The following MYB variants were observed in gnomAD, a reference collection of about 807,000 sequenced individuals.
MYB encodes MYB proto-oncogene, transcription factor, also known as transcriptional activator Myb.
A neutral mutation model predicts 92.9 loss-of-function variants in MYB; 28 were observed. That is an observed-to-expected ratio of 0.30 (90% CI 0.22 to 0.41). The LOEUF (loss-of-function observed/expected upper bound fraction) is 0.41, where lower values mean the gene tolerates loss of function less well. Among genes scored for constraint, MYB ranks in the 10% least tolerant of loss-of-function variants. The pLI, the probability that MYB is intolerant of heterozygous loss-of-function variation, is 1.00. For synonymous variants in MYB, 295 were observed against 329.1 expected (o/e 0.90, Z 1.12); for missense variants, 679 against 929.3 (o/e 0.73, Z 3.50).
At position 135,186,030 on chromosome 6, in the gene MYB, C is replaced by A. The variant is rs1264351768; in HGVS notation, c.141+10C>A. 2 of 1,604,958 alleles carry A rather than the reference C, an allele frequency of 1.2e-6. No homozygotes were observed. Among genetic ancestry groups the A allele is most frequent in the East Asian group, 2.2e-5 (1 of 44,860 alleles). On this transcript the variant is annotated intron_variant, in intron 2 of 15. Transcript: ENST00000341911. ...GTGGACCCGGGAAGAGGTAACTAAT[C>A]ATTTTATCAAGACGCAGAAAATAGA...
intron 8 of MYB, chr6:135,194,690 T>C: frequency 3.5e-6 from 2 of 566,618 alleles, no homozygotes; most frequent in South Asian, 2.7e-5. Flanking sequence ...CCACTTATGA[T>C]TGTTATCATC....
rs576123437 is a variant in MYB, at chr6:135,191,060, T to C, written c.527+713T>C. On this transcript the variant is annotated intron_variant, in intron 5 of 15. Coordinates refer to ENST00000341911, the MANE Select transcript of MYB (RefSeq NM_001130173.2). ...ACAATCCTTTCACCTCCCAAAGTGC[T>C]GGGATTATAGGCATGGGCCACCATA... Among the ~76,000 whole-genome samples the C allele has an allele frequency of 5.9e-5, 9 of 152,350 alleles. No individual in the cohort carries two copies. In the South Asian group the frequency reaches 1.4e-3, roughly 25 times the overall value.
At chr6:135,200,881 A>G (rs932955932) in intron 13 of MYB, among the ~76,000 whole-genome samples, 1 of 152,130 alleles carries the variant, frequency 6.6e-6, no homozygotes, top group African/African-American at 2.4e-5. Flanking sequence ...GTTCGAGATC[A>G]TCCTGGCTAA....
At chr6:135,196,929 C>G (rs1450414126) in intron 9 of MYB, 32 bp from the exon 10 acceptor site, 2 of 1,598,152 alleles carry the variant, frequency 1.3e-6, no homozygotes, top group Non-Finnish European at 8.5e-7. Context: ...CACACACTAT[C>G]TCAAAGTTCT....
At position 135,190,591 on chromosome 6, in the gene MYB, C is replaced by T. The variant is rs184022621; in HGVS notation, c.527+244C>T. Among the ~76,000 whole-genome samples, 1 of 152,210 alleles carries T rather than the reference C, an allele frequency of 6.6e-6. No homozygotes were observed. Among genetic ancestry groups the T allele is most frequent in the Admixed American group, 6.5e-5 (1 of 15,288 alleles). On this transcript the variant is annotated intron_variant, in intron 5 of 15. Coordinates refer to ENST00000341911, the MANE Select transcript of MYB (RefSeq NM_001130173.2). This position sits in a 1 kb window ranked among gnomAD's most constrained non-coding sequence, Gnocchi z 4.5. ...TTAGCTTTCCCCAGCCTCAATTTCCCCATTTCCAAAATGAATCATACAGGG... is the reference window on the plus strand; with the variant it reads ...TTAGCTTTCCCCAGCCTCAATTTCCTCATTTCCAAAATGAATCATACAGGG...
rs1775161774 is a variant in MYB, at chr6:135,182,225, T to A, written c.23+689T>A. Among the ~76,000 whole-genome samples the A allele has an allele frequency of 6.6e-6, 1 of 152,196 alleles. No homozygotes were observed. Among genetic ancestry groups the A allele is most frequent in the Non-Finnish European group, 1.5e-5 (1 of 68,038 alleles). ...CACGCGCCGCCGTCGCACATGTCAC[T>A]GCACTTAGGGAGGCTCGCCGGGAAG... On this transcript the variant is annotated intron_variant, in intron 1 of 15. Transcript: ENST00000341911. The surrounding 1 kb of genome is among the most constrained non-coding windows in gnomAD (Gnocchi z 5.6).
Position 135,194,279 on chromosome 6 carries a change from C to A in MYB, c.844-77C>A, listed in dbSNP as rs76021926. ...CTTTGGGCTGTGCGGCACCTCATGA[C>A]CATATTGGCTACACCCATTGTATTT... On this transcript the variant is annotated intron_variant, in intron 7 of 15. Transcript: ENST00000341911. 7.0e-4 allele frequency: 774 copies of A among 1,108,244 alleles called. 3 individuals carry two copies. The African/African-American group carries it at 0.011, about 16-fold the overall frequency. The allele number at this position is 1,108,244 out of a possible 1,614,324, so 68.7% of individuals were successfully genotyped here.
chr6:135,214,466 T>G (rs1780162186), intron 15 of MYB, among the ~76,000 whole-genome samples: 1 of 152,180 alleles, frequency 6.6e-6, no homozygotes, highest in Non-Finnish European at 1.5e-5. Flanking sequence ...TCCATTTGTT[T>G]CAAGTATTTT....
intron 8 of MYB, 33 bp from the exon 9 acceptor site, chr6:135,195,715 C>G (rs375898647): frequency 1.9e-6 from 3 of 1,608,208 alleles, no homozygotes; most frequent in East Asian, 4.5e-5. Flanking sequence ...CTTCTGTCCT[C>G]TCTTTATTTC....
intron 15 of MYB, 130 bp downstream of exon 15, chr6:135,203,454 G>C: frequency 1.4e-6 from 1 of 728,948 alleles, no homozygotes. Context: ...TTAGACATAG[G>C]GGAGTAATGC....
chr6:135,199,631 G>A lies in MYB; in HGVS notation c.1710-454G>A, dbSNP rs79287068. 81 of 712,868 alleles carry A rather than the reference G, an allele frequency of 1.1e-4. No homozygotes were observed. The East Asian group carries it at 8.7e-3, about 77-fold the overall frequency. The allele number at this position is 712,868 out of a possible 1,614,324, so 44.2% of individuals were successfully genotyped here. On this transcript the variant is annotated intron_variant, in intron 11 of 15. Transcript: ENST00000341911. Reference sequence around the variant, plus strand: ...AAGCCTTAATCAATTCAGAGAAATGGTAGAGAAAGTGTGAATTATCAGAAA... The same window carrying A: ...AAGCCTTAATCAATTCAGAGAAATGATAGAGAAAGTGTGAATTATCAGAAA...
chr6:135,195,655 A>G, intron 8 of MYB, 93 bp from the exon 9 acceptor site: 1 of 1,400,850 alleles, frequency 7.1e-7, no homozygotes, highest in Non-Finnish European at 9.9e-7. Flanking sequence ...CTTTCCTCCA[A>G]CAGCATCTGA....
At chr6:135,199,179 T>C (rs1304240354) in intron 11 of MYB, 129 bp downstream of exon 11, 1 of 735,948 alleles carries the variant, frequency 1.4e-6, no homozygotes, top group Non-Finnish European at 2.1e-6. Context: ...TATAATCATG[T>C]CTATTCCCAC....
intron 15 of MYB, among the ~76,000 whole-genome samples, chr6:135,209,122 C>T (rs1405760578): frequency 6.6e-6 from 1 of 152,184 alleles, no homozygotes; most frequent in Non-Finnish European, 1.5e-5. Flanking sequence ...CTGGAATCAG[C>T]CATTTCCCCA....
At chr6:135,198,392 C>G (rs1215921442) in intron 10 of MYB, among the ~76,000 whole-genome samples, 1 of 152,112 alleles carries the variant, frequency 6.6e-6, no homozygotes, top group Non-Finnish European at 1.5e-5. Context: ...ATTTATTTTA[C>G]CTTGGAATTG....
At chr6:135,217,369 C>CA (rs35138768) in intron 15 of MYB, among the ~76,000 whole-genome samples, 69,259 of 144,920 alleles carry the variant, frequency 0.48, 16,987 homozygotes, top group Middle Eastern at 0.59. Context: ...GACTCTGTCT[C>CA]AAAAAAAAAA....
At chr6:135,185,250 T>C (rs535840519) in intron 1 of MYB, among the ~76,000 whole-genome samples, 1 of 152,330 alleles carries the variant, frequency 6.6e-6, no homozygotes, top group East Asian at 1.9e-4. Flanking sequence ...CCTGGAGTTG[T>C]GAGCAATTTG....
intron 6 of MYB, among the ~76,000 whole-genome samples, chr6:135,193,304 G>A (rs1395166074): frequency 6.6e-6 from 1 of 152,102 alleles, no homozygotes; most frequent in African/African-American, 2.4e-5. Flanking sequence ...AGAATAGAGA[G>A]CTCATATGCA....
chr6:135,188,487 T>C (rs912348383), intron 3 of MYB, among the ~76,000 whole-genome samples: 12 of 150,942 alleles, frequency 8.0e-5, no homozygotes, highest in Non-Finnish European at 1.3e-4. Flanking sequence ...TTTCCATTTT[T>C]CTTTCTTTTT....
Sources: allele counts gnomAD v4.1 joint callset (sites outside exome capture counted in the v4.1 genomes callset), GRCh38; gene constraint gnomAD v4.1.1; non-coding constraint Gnocchi (gnomAD v3.1); transcripts MANE v1.5; gene names NCBI Gene and HGNC (gene_info 2026-07-23, HGNC 2026-07-21).